Variants in COL14A1 observed in about 807,000 individuals in gnomAD.
COL14A1 encodes collagen type XIV alpha 1 chain, also known as collagen alpha-1(XIV) chain.
A neutral mutation model predicts 230.3 loss-of-function variants in COL14A1; 136 were observed. That is an observed-to-expected ratio of 0.59 (90% confidence interval 0.51 to 0.68). The LOEUF is 0.68. COL14A1 is among the 30% of genes least tolerant of loss of function. The pLI is 0.00. For synonymous variants in COL14A1, 792 were observed against 784.1 expected, an observed-to-expected ratio of 1.01 and a Z score of -0.17; for missense variants, 1,976 against 2,215.8, an observed-to-expected ratio of 0.89 and a Z score of 2.17.
At chr8:120,177,470 G>A (rs542095890) in intron 5 of COL14A1, among the ~76,000 whole-genome samples, 70 of 151,888 alleles carry the variant, frequency 4.6e-4, no homozygotes, top group African/African-American at 1.6e-3. Flanking sequence ...CCAACAAGGC[G>A]AAACCTCGCT....
At position 120,231,621 on chromosome 8, in the gene COL14A1, C is replaced by T; in HGVS notation, c.2349+3C>T. On this transcript the variant is annotated splice_donor_region_variant and intron_variant, in intron 19 of 47. Transcript: ENST00000297848. The stretch of plus-strand genomic sequence containing the variant: ...CTGAGGAAGAAGTCATAGGAACGGT[C>T]TGTATAAATTCAACTGACTAGAAAC... 2 of 1,612,658 alleles carry T rather than the reference C, an allele frequency of 1.2e-6. No individual in the cohort carries two copies. The highest frequency in any genetic ancestry group is 1.7e-6 in the Non-Finnish European group (2 of 1,179,486).
At chr8:120,167,235 G>C (rs1815929852) in intron 4 of COL14A1, among the ~76,000 whole-genome samples, 1 of 152,098 alleles carries the variant, frequency 6.6e-6, no homozygotes, top group Non-Finnish European at 1.5e-5. Flanking sequence ...AGGAGGATGT[G>C]ATAAAGACAG....
chr8:120,283,842 T>C, intron 32 of COL14A1, 64 bp downstream of exon 32: 1 of 1,428,106 alleles, frequency 7.0e-7, no homozygotes, highest in Non-Finnish European at 9.5e-7. Context: ...TGGCATGCCA[T>C]TTTGCCTGTT....
At chr8:120,140,386 C>T (rs753056298) in intron 1 of COL14A1, among the ~76,000 whole-genome samples, 5 of 151,208 alleles carry the variant, frequency 3.3e-5, no homozygotes, top group African/African-American at 4.9e-5. Flanking sequence ...AGATATGGTA[C>T]GAAGTTTTGT....
chr8:120,178,795 T>C (rs182683109), intron 5 of COL14A1, among the ~76,000 whole-genome samples: 334 of 152,356 alleles, frequency 2.2e-3, no homozygotes, highest in African/African-American at 7.1e-3. Context: ...TGATATCTCA[T>C]TGTGGTTTTG....
rs1586894937 is a variant in COL14A1 at position 120,356,994 on chromosome 8, T to C, written c.5078-10177T>C. Among the ~76,000 whole-genome samples, 3 of 123,950 alleles carry C rather than the reference T, an allele frequency of 2.4e-5. No homozygotes were observed. In the East Asian group the frequency reaches 7.2e-4, roughly 30 times the overall value. 81.3% of individuals were successfully genotyped at this position (123,950 alleles called of 152,430 possible). A position where few individuals can be genotyped will look rare whatever the true frequency, so the allele number is the denominator to read the frequency against. ...TTTTTCTTCTTTGCATCATCTTTTATTGATTTTTTTTATTACAAAGCGACT... is the reference window on the plus strand; with the variant it reads ...TTTTTCTTCTTTGCATCATCTTTTACTGATTTTTTTTATTACAAAGCGACT... On this transcript the variant is annotated intron_variant, in intron 45 of 47. Transcript: ENST00000297848.
At chr8:120,261,143 T>G (rs901109546) in intron 23 of COL14A1, among the ~76,000 whole-genome samples, 1 of 152,220 alleles carries the variant, frequency 6.6e-6, no homozygotes, top group Non-Finnish European at 1.5e-5. Context: ...TTTGAAGTGA[T>G]GGATATTCCA....
At chr8:120,311,423 G>A (rs1586852831) in intron 37 of COL14A1, among the ~76,000 whole-genome samples, 1 of 152,194 alleles carries the variant, frequency 6.6e-6, no homozygotes, top group African/African-American at 2.4e-5. Flanking sequence ...TGAGTTCGTA[G>A]ATGTTTGGTG....
At position 120,209,907 on chromosome 8, in the gene COL14A1, C is replaced by T. The variant is rs1817570537; in HGVS notation, c.1467+6C>T. On this transcript the variant is annotated splice_donor_region_variant and intron_variant, in intron 12 of 47. Transcript: ENST00000297848. ...TGGCTGGGGATGAAAAAGAGGTAAC[C>T]ACTTCCTACCTATTACAGTCCTAGA... 1 of 1,594,432 alleles carries T rather than the reference C, an allele frequency of 6.3e-7. No homozygotes were observed. Among genetic ancestry groups the T allele is most frequent in the African/African-American group, 1.4e-5 (1 of 73,982 alleles).
At chr8:120,250,917 C>A in intron 22 of COL14A1, 151 bp downstream of exon 22, 3 of 803,478 alleles carry the variant, frequency 3.7e-6, no homozygotes, top group Non-Finnish European at 5.8e-6. Context: ...AAGTGATTCT[C>A]CTGCCTCAGC....
At chr8:120,280,201 G>C in intron 29 of COL14A1, 102 bp downstream of exon 29, 2 of 1,343,188 alleles carry the variant, frequency 1.5e-6, no homozygotes, top group Non-Finnish European at 2.1e-6. Context: ...AAAGAATATT[G>C]ACTTCCAGTA....
At chr8:120,286,712 T>C (rs1468951314) in intron 33 of COL14A1, among the ~76,000 whole-genome samples, 2 of 151,942 alleles carry the variant, frequency 1.3e-5, no homozygotes, top group Non-Finnish European at 2.9e-5. Flanking sequence ...GATTTCACCA[T>C]ATTAGCCAGG....
At chr8:120,244,041 C>G (rs367898058) in intron 20 of COL14A1, 33 bp downstream of exon 20, 10 of 1,599,916 alleles carry the variant, frequency 6.3e-6, no homozygotes, top group Non-Finnish European at 7.7e-6. Context: ...GAATACAAGC[C>G]GACTCATTAA....
Position 120,278,587 on chromosome 8 carries a change from TA to T in COL14A1, c.3481+10del, listed in dbSNP as rs1318514505. ...GGAGATGCAATTAGATGGTAAGATA[TA>T]TAAACAATAGTGGCTACCAAATATG... On this transcript the variant is annotated intron_variant, in intron 28 of 47. Transcript: ENST00000297848. 1 of 1,610,672 alleles carries T rather than the reference TA, an allele frequency of 6.2e-7. No homozygotes were observed. Among genetic ancestry groups the T allele is most frequent in the Non-Finnish European group, 8.5e-7 (1 of 1,178,322 alleles).
At chr8:120,165,056 A>T (rs1479648421) in intron 4 of COL14A1, among the ~76,000 whole-genome samples, 1 of 152,240 alleles carries the variant, frequency 6.6e-6, no homozygotes, top group Non-Finnish European at 1.5e-5. Flanking sequence ...AGCCAGATAA[A>T]TAATATGCAA....
chr8:120,241,624 T>G (rs908520435), intron 19 of COL14A1, among the ~76,000 whole-genome samples: 1 of 152,050 alleles, frequency 6.6e-6, no homozygotes, highest in Non-Finnish European at 1.5e-5. Flanking sequence ...GCACATTTTT[T>G]TACTTTGCTT....
chr8:120,321,470 C>A (rs34104524), intron 40 of COL14A1, among the ~76,000 whole-genome samples: 66,768 of 151,446 alleles, frequency 0.44, 14,892 homozygotes, highest in African/African-American at 0.5. Context: ...GATACCCCGT[C>A]CCTACTAAAA....
chr8:120,247,897 G>C (rs956768308), intron 21 of COL14A1, among the ~76,000 whole-genome samples, 162 bp downstream of exon 21: 6 of 152,030 alleles, frequency 3.9e-5, no homozygotes, highest in African/African-American at 1.5e-4. Flanking sequence ...TTTTAGTATG[G>C]TCAGTGATAG....
intron 45 of COL14A1, among the ~76,000 whole-genome samples, chr8:120,346,141 A>G (rs189165126): frequency 1.1e-3 from 170 of 152,366 alleles, no homozygotes; most frequent in African/African-American, 3.8e-3. Context: ...TATATCAGAC[A>G]ACATTTTATT....
Sources: allele counts gnomAD v4.1 joint callset (sites outside exome capture counted in the v4.1 genomes callset), GRCh38; gene constraint gnomAD v4.1.1; transcripts MANE v1.5; gene names NCBI Gene and HGNC (gene_info 2026-07-23, HGNC 2026-07-21).